MTOR: variants seen among roughly 807,000 people sequenced by gnomAD.
The protein encoded by MTOR is serine/threonine-protein kinase mTOR.
In MTOR, 70 loss-of-function variants were observed where a neutral mutation model predicts 319.8. The observed-to-expected ratio is 0.22, with a 90% CI of 0.18 to 0.27. The LOEUF is 0.27. Ranked by LOEUF, MTOR falls within the 10% of genes least tolerant of loss-of-function variation. The pLI, the probability that MTOR is intolerant of heterozygous loss-of-function variation, is 1.00. For missense variants in MTOR, 1,890 were observed against 3,274.4 expected, an observed-to-expected ratio of 0.58 and a Z score of 10.32; for synonymous variants, 1,183 against 1,211.4, an observed-to-expected ratio of 0.98 and a Z score of 0.49.
intron 54 of MTOR, 91 bp downstream of exon 54, chr1:11,112,761 C>T (rs1004248989): frequency 4.5e-6 from 6 of 1,318,914 alleles, no homozygotes; most frequent in African/African-American, 1.5e-5. Flanking sequence ...TAACGTCCTG[C>T]GGGATGCACC....
chr1:11,236,043 C>T (rs1416511747), intron 13 of MTOR, among the ~76,000 whole-genome samples: 1 of 151,842 alleles, frequency 6.6e-6, no homozygotes, highest in Non-Finnish European at 1.5e-5. Flanking sequence ...ATTCCCAGTG[C>T]CCAGCAGTAC....
chr1:11,214,478 T>C (rs1646406490), intron 20 of MTOR, among the ~76,000 whole-genome samples: 1 of 152,236 alleles, frequency 6.6e-6, no homozygotes, highest in Non-Finnish European at 1.5e-5. Flanking sequence ...TTAAAAGTTC[T>C]GGAGTAGGAA....
chr1:11,173,482 C>T (rs556052025), intron 28 of MTOR, among the ~76,000 whole-genome samples: 13 of 151,956 alleles, frequency 8.6e-5, no homozygotes, highest in South Asian at 8.3e-4. Flanking sequence ...GAAGTTTTGC[C>T]GTGTTGCCCA....
intron 19 of MTOR, among the ~76,000 whole-genome samples, chr1:11,223,757 T>A (rs899225583): frequency 6.6e-6 from 1 of 151,762 alleles, no homozygotes; most frequent in Non-Finnish European, 1.5e-5. Flanking sequence ...AACGCAAACA[T>A]GGCCAGGTGC....
chr1:11,125,450 G>A (rs1396840641), intron 46 of MTOR, among the ~76,000 whole-genome samples: 1 of 152,134 alleles, frequency 6.6e-6, no homozygotes, highest in African/African-American at 2.4e-5. Context: ...GAGAGGTGAG[G>A]CTGGGCGCGG....
chr1:11,129,928 CA>C lies in MTOR; in HGVS notation c.5614-91del. 1 of 1,085,252 alleles carries C rather than the reference CA, an allele frequency of 9.2e-7. No individual in the cohort carries two copies. The highest frequency in any genetic ancestry group is 1.4e-6 in the Non-Finnish European group (1 of 719,964). 67.2% of individuals were successfully genotyped at this position (1,085,252 alleles called of 1,614,324 possible). A position where few individuals can be genotyped will look rare whatever the true frequency, so the allele number is the denominator to read the frequency against. ...AAGAGCATACTAACTGTACCTACTT[CA>C]AAGGGTGGTTATAACAATTAAATCG... On this transcript the variant is annotated intron_variant, in intron 39 of 57. Transcript: ENST00000361445. This position sits in a 1 kb window ranked among gnomAD's most constrained non-coding sequence, Gnocchi z 4.7.
At chr1:11,188,816 T>C (rs867102611) in intron 28 of MTOR, among the ~76,000 whole-genome samples, 6 of 152,184 alleles carry the variant, frequency 3.9e-5, no homozygotes, top group Admixed American at 6.5e-5. Flanking sequence ...AAATGTGAGA[T>C]AGTGTTAGAT....
chr1:11,107,619 T>G, intron 57 of MTOR, 119 bp from the exon 58 acceptor site: 10 of 1,035,380 alleles, frequency 9.7e-6, no homozygotes, highest in Non-Finnish European at 1.4e-5. Context: ...CCCTGAGCTC[T>G]CCCACAGCTA....
At chr1:11,193,682 G>A in intron 28 of MTOR, 1 of 1,614,122 alleles carries the variant, frequency 6.2e-7, no homozygotes, top group Non-Finnish European at 8.5e-7. Flanking sequence ...GTACAAGCAG[G>A]GCTTTGGCAG....
In MTOR at chr1:11,136,497, T is replaced by C. The variant is rs145786548; in HGVS notation, c.5131-2031A>G. On this transcript the variant is annotated intron_variant, in intron 36 of 57. Transcript: ENST00000361445. Reference sequence around the variant, plus strand: ...TTCCTTTAATTTTAATTTTTTTAACTTAAATTTTTATTCCTTTAGAGACAG... The same window carrying C: ...TTCCTTTAATTTTAATTTTTTTAACCTAAATTTTTATTCCTTTAGAGACAG... Among the ~76,000 whole-genome samples the C allele has an allele frequency of 4.7e-3, 717 of 152,310 alleles. 4 individuals are homozygous for C. The highest frequency in any genetic ancestry group is 0.016 in the African/African-American group (648 of 41,566).
intron 54 of MTOR, among the ~76,000 whole-genome samples, chr1:11,110,601 G>A (rs147582496): frequency 6.0e-4 from 91 of 152,178 alleles, no homozygotes; most frequent in African/African-American, 2.0e-3. Flanking sequence ...TCTCCATGTC[G>A]GTCAAGCTGG....
At position 11,115,456 on chromosome 1, in the gene MTOR, G is replaced by A; in HGVS notation, c.7029C>T (p.Asn2343=). ...ILGLGDRHPS[N]LMLDRLSGKI... Reference sequence around the variant, plus strand: ...TCCCACTCAGACGGTCCAGCATCAGGTTGGATGGGTGTCTTTGAGAAACAG... The same window carrying A: ...TCCCACTCAGACGGTCCAGCATCAGATTGGATGGGTGTCTTTGAGAAACAG... Residue 2343 remains asparagine, a synonymous_variant, in exon 51 of 58, where the codon AAC becomes AAT. Coordinates refer to ENST00000361445, the MANE Select transcript of MTOR (RefSeq NM_004958.4). The surrounding 1 kb of genome is among the most constrained non-coding windows in gnomAD (Gnocchi z 4.5). 1.9e-6 allele frequency: 3 copies of A among 1,614,172 alleles called. No individual in the cohort carries two copies. The highest frequency in any genetic ancestry group is 2.5e-6 in the Non-Finnish European group (3 of 1,180,008).
chr1:11,244,404 G>A (rs1356376321), intron 8 of MTOR, among the ~76,000 whole-genome samples: 2 of 151,992 alleles, frequency 1.3e-5, no homozygotes, highest in South Asian at 2.1e-4. Context: ...AGGCCAAGGC[G>A]GGTGGACTGC....
At position 11,109,718 on chromosome 1, in the gene MTOR, C is replaced by T. The variant is rs574378176; in HGVS notation, c.7378G>A (p.Gly2460Ser). 80 of 1,614,084 alleles carry T rather than the reference C, an allele frequency of 5.0e-5. 1 individual carries two copies. The South Asian group carries it at 8.2e-4, about 17-fold the overall frequency. The change falls in exon 55 of 58, where the codon GGT becomes AGT. Residue 2460 changes from glycine (G) to serine (S), a missense_variant. Around this residue, in one of 15 missense-constraint regions of MTOR, gnomAD observed 49 missense variants for 67.6 expected, o/e 0.72. Coordinates refer to ENST00000361445, the MANE Select transcript of MTOR (RefSeq NM_004958.4). This position sits in a 1 kb window ranked among gnomAD's most constrained non-coding sequence, Gnocchi z 4.0. ...SAGQSVEILDGVELGEPAHKK... is the reference protein window; with the variant it reads ...SAGQSVEILDSVELGEPAHKK... ...TGGGCTGGCTCTCCAAGTTCCACAC[C>T]GTCCAAAATTTCTATGGGAAAAGAA...
chr1:11,138,106 C>CTCCT (rs1272251374), intron 36 of MTOR, among the ~76,000 whole-genome samples: 1 of 152,196 alleles, frequency 6.6e-6, no homozygotes, highest in African/African-American at 2.4e-5. Flanking sequence ...AAAGAAGCCA[C>CTCCT]TCCTTGCTTG....
intron 28 of MTOR, among the ~76,000 whole-genome samples, chr1:11,188,467 C>T (rs560241354): frequency 2.0e-5 from 3 of 152,214 alleles, no homozygotes; most frequent in African/African-American, 7.2e-5. Flanking sequence ...TATTAGGTGA[C>T]AGGGATTCTT....
chr1:11,256,085 G>A lies in MTOR; in HGVS notation c.612C>T (p.Ala204=). Residue 204 remains alanine (A), a synonymous_variant, in exon 5 of 58, where the codon GCC becomes GCT. Coordinates refer to ENST00000361445, the MANE Select transcript of MTOR (RefSeq NM_004958.4). ...GGGCGGCTACAGCTCCCTCACGGATGGCCTGTTTGGGGTCCCACACGGCCA... is the reference window on the plus strand; with the variant it reads ...GGGCGGCTACAGCTCCCTCACGGATAGCCTGTTTGGGGTCCCACACGGCCA... ...IFVAVWDPKQ[A]IREGAVAALR... The A allele has an allele frequency of 2.5e-6, 4 of 1,614,132 alleles. No homozygotes were observed. The highest frequency in any genetic ancestry group is 3.4e-6 in the Non-Finnish European group (4 of 1,180,044).
intron 28 of MTOR, among the ~76,000 whole-genome samples, chr1:11,175,247 C>A (rs769175594): frequency 1.3e-5 from 2 of 152,092 alleles, no homozygotes. Context: ...CTGAACCTGG[C>A]GTTAGGAAGA....
At chr1:11,257,720 T>C (rs1650600523) in intron 3 of MTOR, among the ~76,000 whole-genome samples, 1 of 152,138 alleles carries the variant, frequency 6.6e-6, no homozygotes, top group Non-Finnish European at 1.5e-5. Flanking sequence ...AATAATCTCA[T>C]GCTAGTATAA....
Sources: allele counts gnomAD v4.1 joint callset (sites outside exome capture counted in the v4.1 genomes callset), GRCh38; gene constraint gnomAD v4.1.1; regional missense constraint gnomAD v4.1.1; non-coding constraint Gnocchi (gnomAD v3.1); transcripts MANE v1.5; gene names NCBI Gene and HGNC (gene_info 2026-07-23, HGNC 2026-07-21).